The following XKR6 variants were observed in gnomAD, a reference collection of about 807,000 sequenced individuals.
The protein encoded by XKR6 is XK related 6, also known as XK-related protein 6.
Under a neutral mutation model 56.7 loss-of-function variants are expected in XKR6, and 22 were observed. The observed-to-expected ratio is 0.39, with a 90% CI of 0.28 to 0.55. The LOEUF (loss-of-function observed/expected upper bound fraction) is 0.55, where lower values mean the gene tolerates loss of function less well. Ranked by LOEUF, XKR6 falls within the 20% of genes least tolerant of loss-of-function variation. The pLI, the probability that XKR6 is intolerant of heterozygous loss-of-function variation, is 0.66. For missense variants in XKR6, 852 were observed against 889.0 expected (o/e 0.96, Z 0.53); for synonymous variants, 524 against 387.8 (o/e 1.35, Z -4.13).
intron 1 of XKR6, chr8:11,108,742 G>A (rs908463149): frequency 6.2e-5 from 12 of 194,448 alleles, no homozygotes; most frequent in African/African-American, 2.1e-4. Context: ...AGATGGGCGC[G>A]AGAACAGAGT....
At chr8:11,085,461 T>C (rs1586523881) in intron 1 of XKR6, among the ~76,000 whole-genome samples, 1 of 152,118 alleles carries the variant, frequency 6.6e-6, no homozygotes, top group African/African-American at 2.4e-5. Flanking sequence ...TGTGTGTATG[T>C]ATGTGCATGT....
At chr8:11,110,274 TAA>T (rs775345027) in intron 1 of XKR6, among the ~76,000 whole-genome samples, 65 of 152,114 alleles carry the variant, frequency 4.3e-4, no homozygotes, top group Non-Finnish European at 6.3e-4. Flanking sequence ...CGCCTGGCCT[TAA>T]AAAACCTACT....
intron 2 of XKR6, among the ~76,000 whole-genome samples, chr8:10,923,236 T>G (rs931103440): frequency 2.0e-5 from 3 of 152,238 alleles, no homozygotes; most frequent in Non-Finnish European, 2.9e-5. Flanking sequence ...GGCCTGGCTT[T>G]CCCTGTGTCC....
At chr8:10,928,391 G>C (rs2129118686) in intron 1 of XKR6, among the ~76,000 whole-genome samples, 1 of 152,360 alleles carries the variant, frequency 6.6e-6, no homozygotes, top group East Asian at 1.9e-4. Flanking sequence ...CAAGATCTAA[G>C]GAGCTGCCAA....
At chr8:10,925,169 C>T (rs535399979) in intron 1 of XKR6, among the ~76,000 whole-genome samples, 4 of 152,224 alleles carry the variant, frequency 2.6e-5, no homozygotes, top group South Asian at 4.1e-4. Context: ...AGGTGAGCTC[C>T]GGGACAGGGG....
chr8:11,097,972 G>A (rs1029601994), intron 1 of XKR6, among the ~76,000 whole-genome samples: 4 of 151,820 alleles, frequency 2.6e-5, no homozygotes, highest in Admixed American at 2.0e-4. Flanking sequence ...CATCAAATAC[G>A]TAATATCAAC....
At chr8:11,014,886 G>GA (rs1188061330) in intron 1 of XKR6, among the ~76,000 whole-genome samples, 2 of 152,202 alleles carry the variant, frequency 1.3e-5, no homozygotes, top group Non-Finnish European at 2.9e-5. Context: ...GACCCACACT[G>GA]CTGCCCCTCC....
chr8:10,967,145 G>C (rs937420112), intron 1 of XKR6, among the ~76,000 whole-genome samples: 3 of 152,178 alleles, frequency 2.0e-5, no homozygotes, highest in African/African-American at 7.2e-5. Context: ...CGGATATAGA[G>C]ACCCCTCCTG....
At chr8:10,966,390 C>A (rs1030420316) in intron 1 of XKR6, among the ~76,000 whole-genome samples, 2 of 152,126 alleles carry the variant, frequency 1.3e-5, no homozygotes, top group Non-Finnish European at 2.9e-5. Context: ...GCAAGTTAGG[C>A]CGGGCATGGT....
intron 2 of XKR6, among the ~76,000 whole-genome samples, chr8:10,917,560 G>T (rs950308623): frequency 3.9e-5 from 6 of 152,230 alleles, no homozygotes; most frequent in Admixed American, 3.9e-4. Flanking sequence ...GTCACTCTAG[G>T]TTCCAGCCCC....
chr8:11,057,541 G>C (rs892740713), intron 1 of XKR6, among the ~76,000 whole-genome samples: 7 of 152,216 alleles, frequency 4.6e-5, no homozygotes, highest in African/African-American at 1.7e-4. Flanking sequence ...TAAGTGTTTT[G>C]CCCTCATTTC....
At chr8:10,912,472 G>T (rs778148151) in intron 2 of XKR6, among the ~76,000 whole-genome samples, 2,296 of 140,918 alleles carry the variant, frequency 0.016, 51 homozygotes, top group African/African-American at 0.053. Flanking sequence ...TATATAGAGA[G>T]AGAGAGAGAG....
chr8:11,180,360 G>T (rs557428681), intron 1 of XKR6, among the ~76,000 whole-genome samples: 1 of 152,116 alleles, frequency 6.6e-6, no homozygotes, highest in South Asian at 2.1e-4. Context: ...GGAATGTTTG[G>T]ACTAAAAAAT....
At chr8:11,158,269 G>A (rs1048878566) in intron 1 of XKR6, among the ~76,000 whole-genome samples, 1 of 152,142 alleles carries the variant, frequency 6.6e-6, no homozygotes, top group African/African-American at 2.4e-5. Flanking sequence ...GGAAGGACCA[G>A]GAAAAATTTA....
intron 1 of XKR6, among the ~76,000 whole-genome samples, chr8:11,147,468 C>T (rs1346654254): frequency 6.6e-6 from 1 of 151,598 alleles, no homozygotes; most frequent in African/African-American, 2.4e-5. Context: ...CAATCCTGGC[C>T]AACATGGTGA....
At chr8:11,029,630 G>C (rs1362686649) in intron 1 of XKR6, among the ~76,000 whole-genome samples, 1 of 152,086 alleles carries the variant, frequency 6.6e-6, no homozygotes, top group East Asian at 1.9e-4. Context: ...TCTGCTGTGT[G>C]AGCCACCAGT....
chr8:11,018,092 A>T (rs1798667310), intron 1 of XKR6, among the ~76,000 whole-genome samples: 1 of 152,266 alleles, frequency 6.6e-6, no homozygotes, highest in African/African-American at 2.4e-5. Flanking sequence ...GCCCTCCTTC[A>T]GGAGCAGCTC....
At chr8:11,100,078 G>C (rs973975645) in intron 1 of XKR6, among the ~76,000 whole-genome samples, 4 of 152,196 alleles carry the variant, frequency 2.6e-5, no homozygotes, top group African/African-American at 4.8e-5. Flanking sequence ...TTGAGGCAGG[G>C]TCTAACTCTG....
chr8:11,015,892 G>C (rs1397181459), intron 1 of XKR6, among the ~76,000 whole-genome samples: 1 of 151,854 alleles, frequency 6.6e-6, no homozygotes, highest in South Asian at 2.1e-4. Context: ...CCAAAGGTGG[G>C]CGGCGGTGCC....
Sources: gnomAD v4.1 joint callset for allele counts (sites outside exome capture counted in the v4.1 genomes callset) on GRCh38, gnomAD v4.1.1 for gene constraint, MANE v1.5 for transcripts, NCBI Gene and HGNC (gene_info 2026-07-23, HGNC 2026-07-21) for gene names.